Variants in FIRRM observed in about 807,000 individuals in gnomAD.
FIRRM encodes the protein FIGNL1-interacting regulator of recombination and mitosis.
chr1:169,853,716 C>T, the FIRRM span: 22 of 1,613,400 alleles, frequency 1.4e-5, no homozygotes, highest in Non-Finnish European at 1.8e-5. Flanking sequence ...TCTATTGTCA[C>T]CAGTTATTAT....
At chr1:169,803,926 G>C in the FIRRM span, 1 of 453,902 alleles carries the variant, frequency 2.2e-6, no homozygotes, top group East Asian at 3.5e-5. Context: ...TGCATCTCTT[G>C]AAGCACACTA....
chr1:169,793,520 T>G, the FIRRM span: 24 of 1,614,214 alleles, frequency 1.5e-5, no homozygotes, highest in Non-Finnish European at 1.7e-5. Context: ...TTCCCACAAG[T>G]GATCCTGAGG....
chr1:169,818,504 C>T, the FIRRM span, among the ~76,000 whole-genome samples: 1 of 152,096 alleles, frequency 6.6e-6, no homozygotes, highest in Non-Finnish European at 1.5e-5. Flanking sequence ...CTGTATTTCC[C>T]AGAAATTACT....
At chr1:169,840,597 G>C in the FIRRM span, among the ~76,000 whole-genome samples, 1 of 147,426 alleles carries the variant, frequency 6.8e-6, no homozygotes, top group Non-Finnish European at 1.5e-5. Context: ...TGTGAGCTCT[G>C]CCTCCTGGGT....
chr1:169,806,829 G>A, the FIRRM span, among the ~76,000 whole-genome samples: 1 of 152,192 alleles, frequency 6.6e-6, no homozygotes, highest in Non-Finnish European at 1.5e-5. Flanking sequence ...CTGAACGTTA[G>A]TTTGCTCATC....
chr1:169,852,579 C>T, the FIRRM span: 5 of 572,752 alleles, frequency 8.7e-6, no homozygotes, highest in Non-Finnish European at 1.5e-5. Flanking sequence ...CAAACTAAGA[C>T]ACTGGTAGTA....
chr1:169,842,423 G>A, the FIRRM span: 7 of 1,613,776 alleles, frequency 4.3e-6, no homozygotes, highest in South Asian at 6.6e-5. Context: ...TCAGAACACA[G>A]TACTGTCTGC....
At chr1:169,834,780 A>C in the FIRRM span, among the ~76,000 whole-genome samples, 1 of 152,206 alleles carries the variant, frequency 6.6e-6, no homozygotes, top group East Asian at 1.9e-4. Flanking sequence ...TATTGTAAAA[A>C]AACAACTTGG....
chr1:169,823,166 G>C, the FIRRM span, among the ~76,000 whole-genome samples: 1 of 151,672 alleles, frequency 6.6e-6, no homozygotes, highest in East Asian at 1.9e-4. Flanking sequence ...CACGAGAATT[G>C]CTTGAACCTG....
the FIRRM span, among the ~76,000 whole-genome samples, chr1:169,843,369 T>A: frequency 1.3e-5 from 2 of 152,200 alleles, no homozygotes; most frequent in African/African-American, 4.8e-5. Flanking sequence ...TACAAGCCTT[T>A]CAGTGATAGA....
At chr1:169,853,598 G>C in the FIRRM span, 3 of 1,064,510 alleles carry the variant, frequency 2.8e-6, no homozygotes, top group Non-Finnish European at 4.2e-6. Flanking sequence ...TGAGCTCCTG[G>C]GATGGGAAAA....
At chr1:169,833,692 CTT>C in the FIRRM span, among the ~76,000 whole-genome samples, 1 of 152,128 alleles carries the variant, frequency 6.6e-6, no homozygotes, top group African/African-American at 2.4e-5. Flanking sequence ...ACACCTACCT[CTT>C]AGCCTTCTTT....
chr1:169,790,332 A>G, the FIRRM span, among the ~76,000 whole-genome samples: 2 of 152,000 alleles, frequency 1.3e-5, no homozygotes, highest in African/African-American at 2.4e-5. Context: ...GATTACTGGC[A>G]TGCACCACCA....
the FIRRM span, among the ~76,000 whole-genome samples, chr1:169,840,920 C>T: frequency 6.6e-6 from 1 of 152,104 alleles, no homozygotes; most frequent in African/African-American, 2.4e-5. Flanking sequence ...TTCTTCTTTT[C>T]GTACTTGTGT....
At chr1:169,844,459 C>T in the FIRRM span, among the ~76,000 whole-genome samples, 2 of 152,182 alleles carry the variant, frequency 1.3e-5, no homozygotes, top group Non-Finnish European at 2.9e-5. Context: ...TAAACAATAA[C>T]TGTTAAGAGG....
At chr1:169,811,769 TTATCTAAATAGATAATAGACAGA>T in the FIRRM span, among the ~76,000 whole-genome samples, 1 of 139,848 alleles carries the variant, frequency 7.2e-6, no homozygotes. Flanking sequence ...AATAGACAGA[TTATCTAAATAGATAATAGACAGA>T]TTATCTAAAT....
chr1:169,851,847 A>C, the FIRRM span: 1 of 1,614,054 alleles, frequency 6.2e-7, no homozygotes, highest in Non-Finnish European at 8.5e-7. Context: ...TGAAGCTGCC[A>C]AAGTGGAACG....
At chr1:169,806,101 G>A in the FIRRM span, 1 of 1,507,752 alleles carries the variant, frequency 6.6e-7, no homozygotes, top group Non-Finnish European at 9.1e-7. Flanking sequence ...AAGTTTGTTT[G>A]TTATTTTTTA....
chr1:169,804,051 T>A, the FIRRM span: 3 of 1,400,104 alleles, frequency 2.1e-6, no homozygotes, highest in Non-Finnish European at 2.8e-6. Context: ...GTTTTTTCTC[T>A]CATTTTTATT....
Sources: allele counts gnomAD v4.1 joint callset (sites outside exome capture counted in the v4.1 genomes callset), GRCh38; gene constraint gnomAD v4.1.1; transcripts MANE v1.5; gene names NCBI Gene and HGNC (gene_info 2026-07-23, HGNC 2026-07-21).